Variants in GALNTL6 observed in about 807,000 individuals in gnomAD.
GALNTL6 encodes polypeptide N-acetylgalactosaminyltransferase like 6, also known as polypeptide N-acetylgalactosaminyltransferase-like 6.
In GALNTL6, 46 loss-of-function variants were observed where a neutral mutation model predicts 73.7. The ratio of observed to expected loss-of-function variants is 0.62; its 90% CI spans 0.49 to 0.80. The LOEUF is 0.80. GALNTL6 is among the 30% of genes least tolerant of loss of function. The pLI is 0.00. For synonymous variants in GALNTL6, 259 were observed against 263.7 expected (o/e 0.98, Z 0.17); for missense variants, 604 against 755.0 (o/e 0.80, Z 2.34).
chr4:172,838,711 C>A (rs1003851234), intron 7 of GALNTL6, among the ~76,000 whole-genome samples: 1 of 152,154 alleles, frequency 6.6e-6, no homozygotes, highest in Non-Finnish European at 1.5e-5. Context: ...TTCACCCCTC[C>A]CTACTTACAA....
chr4:172,574,133 G>A (rs1350003800), intron 5 of GALNTL6, among the ~76,000 whole-genome samples: 1 of 152,136 alleles, frequency 6.6e-6, no homozygotes, highest in Non-Finnish European at 1.5e-5. Flanking sequence ...TAGATTTCCT[G>A]TTCTGGTGAT....
intron 5 of GALNTL6, among the ~76,000 whole-genome samples, chr4:172,746,965 C>T (rs944930343): frequency 5.9e-5 from 9 of 151,984 alleles, no homozygotes; most frequent in East Asian, 1.9e-4. Context: ...CCACCTAACT[C>T]GAAAGTGCTG....
chr4:172,866,427 GT>G (rs1669253689), intron 7 of GALNTL6, among the ~76,000 whole-genome samples: 1 of 152,158 alleles, frequency 6.6e-6, no homozygotes, highest in Non-Finnish European at 1.5e-5. Flanking sequence ...TTTAACCTGA[GT>G]TTTTTCCATT....
intron 9 of GALNTL6, among the ~76,000 whole-genome samples, chr4:172,936,067 A>G (rs1365054863): frequency 6.6e-6 from 1 of 152,236 alleles, no homozygotes. Context: ...GCAGCACATC[A>G]TAAAGCTTAT....
chr4:172,958,761 G>T (rs912347308), intron 10 of GALNTL6, among the ~76,000 whole-genome samples: 4 of 152,182 alleles, frequency 2.6e-5, no homozygotes, highest in African/African-American at 9.7e-5. Context: ...CAGGTAATTT[G>T]CTGAGCCTGA....
chr4:172,112,912 G>C (rs922445895), intron 2 of GALNTL6, among the ~76,000 whole-genome samples: 1 of 151,782 alleles, frequency 6.6e-6, no homozygotes, highest in Non-Finnish European at 1.5e-5. Flanking sequence ...CAAATTTTCT[G>C]ATGTCTTTGA....
intron 5 of GALNTL6, among the ~76,000 whole-genome samples, chr4:172,580,227 G>A (rs1465017236): frequency 6.6e-6 from 1 of 152,002 alleles, no homozygotes; most frequent in Non-Finnish European, 1.5e-5. Flanking sequence ...GTACAAATCA[G>A]CCCCACAAAG....
At chr4:172,039,211 C>G (rs541371723) in intron 2 of GALNTL6, among the ~76,000 whole-genome samples, 1 of 152,186 alleles carries the variant, frequency 6.6e-6, no homozygotes, top group African/African-American at 2.4e-5. Context: ...GTTTGTTTAA[C>G]TGGCAATTAA....
chr4:172,723,440 T>G (rs1001134331), intron 5 of GALNTL6, among the ~76,000 whole-genome samples: 1 of 152,190 alleles, frequency 6.6e-6, no homozygotes, highest in Non-Finnish European at 1.5e-5. Flanking sequence ...TCATAGGAAA[T>G]TATAATATGG....
At chr4:172,439,772 T>C (rs1293492007) in intron 5 of GALNTL6, among the ~76,000 whole-genome samples, 1 of 152,082 alleles carries the variant, frequency 6.6e-6, no homozygotes, top group Non-Finnish European at 1.5e-5. Context: ...TAGTCGATTT[T>C]ATTTTTAGAG....
intron 7 of GALNTL6, among the ~76,000 whole-genome samples, chr4:172,816,720 C>T (rs12502278): frequency 0.084 from 12,713 of 152,084 alleles, 701 homozygotes; most frequent in East Asian, 0.19. Context: ...TCCTGTTTTT[C>T]AACAAACTGC....
At chr4:172,618,151 C>T (rs763406689) in intron 5 of GALNTL6, among the ~76,000 whole-genome samples, 2 of 152,152 alleles carry the variant, frequency 1.3e-5, no homozygotes, top group East Asian at 1.9e-4. Flanking sequence ...CTGGTGTAGT[C>T]GGCAAGAGTT....
intron 2 of GALNTL6, among the ~76,000 whole-genome samples, chr4:172,171,101 A>G (rs1022918836): frequency 3.9e-5 from 6 of 152,228 alleles, no homozygotes; most frequent in Admixed American, 1.3e-4. Context: ...AAAGGAAACG[A>G]CAACCACAAC....
intron 5 of GALNTL6, among the ~76,000 whole-genome samples, chr4:172,706,558 C>T (rs1734366836): frequency 6.6e-6 from 1 of 152,026 alleles, no homozygotes. Flanking sequence ...ATTATTTATT[C>T]TAGTCTTTGC....
At position 171,908,174 on chromosome 4, in the gene GALNTL6, A is replaced by G. The variant is rs1233326860; in HGVS notation, c.138+93456A>G. Among the ~76,000 whole-genome samples the G allele has an allele frequency of 3.9e-5, 6 of 152,246 alleles. No homozygotes were observed. The East Asian group carries it at 5.8e-4, about 15-fold the overall frequency. The stretch of plus-strand genomic sequence containing the variant: ...TCTAATTAAACTAAAGAGCTTCTGC[A>G]CAGCAAAAGAAACTACCATCAGAGT... On this transcript the variant is annotated intron_variant, in intron 2 of 12. Transcript: ENST00000506823.
rs1009777966 is a variant in GALNTL6, at chr4:171,903,610, A to G, written c.138+88892A>G. ...CCAGGCTTGATTAGGTAAACAAAGCAGCCCTGAAGCTCAAACTGGGTGGAG... is the reference window on the plus strand; with the variant it reads ...CCAGGCTTGATTAGGTAAACAAAGCGGCCCTGAAGCTCAAACTGGGTGGAG... On this transcript the variant is annotated intron_variant, in intron 2 of 12. Coordinates refer to ENST00000506823, the MANE Select transcript of GALNTL6 (RefSeq NM_001034845.3). Among the ~76,000 whole-genome samples, 8 of 133,714 alleles carry G rather than the reference A, an allele frequency of 6.0e-5. 1 individual carries two copies. Among genetic ancestry groups the G allele is most frequent in the Middle Eastern group, 3.5e-3 (1 of 286 alleles). The allele number at this position is 133,714 out of a possible 152,430, so 87.7% of individuals were successfully genotyped here. A position where few individuals can be genotyped will look rare whatever the true frequency, so the allele number is the denominator to read the frequency against.
At chr4:172,800,368 A>G (rs901526881) in intron 5 of GALNTL6, among the ~76,000 whole-genome samples, 1 of 152,212 alleles carries the variant, frequency 6.6e-6, no homozygotes, top group Non-Finnish European at 1.5e-5. Flanking sequence ...TTGACAATTC[A>G]AATGTTATCT....
chr4:172,416,890 A>G (rs1730854684), intron 5 of GALNTL6, among the ~76,000 whole-genome samples: 1 of 152,162 alleles, frequency 6.6e-6, no homozygotes, highest in Non-Finnish European at 1.5e-5. Context: ...AAAAACTTGT[A>G]TAAAAACGGG....
chr4:172,295,701 T>A (rs992802021), intron 3 of GALNTL6, among the ~76,000 whole-genome samples: 2 of 151,616 alleles, frequency 1.3e-5, no homozygotes, highest in African/African-American at 4.8e-5. Flanking sequence ...ATCCTCAATC[T>A]CACTATATAC....
Sources: gnomAD v4.1 joint callset for allele counts (sites outside exome capture counted in the v4.1 genomes callset) on GRCh38, gnomAD v4.1.1 for gene constraint, MANE v1.5 for transcripts, NCBI Gene and HGNC (gene_info 2026-07-23, HGNC 2026-07-21) for gene names.